Variants in EPHA5 observed in about 807,000 individuals in gnomAD.
The protein encoded by EPHA5 is ephrin type-A receptor 5.
EPHA5 carries 60 observed loss-of-function variants against 105.0 expected under a neutral mutation model. The ratio of observed to expected loss-of-function variants is 0.57; its 90% CI spans 0.46 to 0.71. The LOEUF (loss-of-function observed/expected upper bound fraction) is 0.71, where lower values mean the gene tolerates loss of function less well. Ranked by LOEUF, EPHA5 falls within the 30% of genes least tolerant of loss-of-function variation. EPHA5 has a pLI of 0.00. For missense variants in EPHA5, 1,218 were observed against 1,274.7 expected (o/e 0.96, Z 0.68); for synonymous variants, 513 against 449.1 (o/e 1.14, Z -1.80).
Position 65,490,373 on chromosome 4 carries a change from T to G in EPHA5, c.1402+4A>C, listed in dbSNP as rs376208416. ...TACACAATTGGGTTGGGCATGGCACTTACCTGCTTGATTTGTGGTTACATT... is the reference window on the plus strand; with the variant it reads ...TACACAATTGGGTTGGGCATGGCACGTACCTGCTTGATTTGTGGTTACATT... On this transcript the variant is annotated splice_donor_region_variant and intron_variant, in intron 5 of 16. Coordinates refer to ENST00000613740, the MANE Select transcript of EPHA5 (RefSeq NM_001281766.3). The G allele has an allele frequency of 3.7e-6, 6 of 1,612,774 alleles. No individual in the cohort carries two copies. In the African/African-American group the frequency reaches 8.0e-5, roughly 22 times the overall value.
rs376590066 is a variant in EPHA5 at position 65,483,649 on chromosome 4, G to T, written c.1402+6728C>A. The stretch of plus-strand genomic sequence containing the variant: ...CAGACTATCACCAAAAAAAATTTGC[G>T]TAAGTAGAAGTTATTAGGGTCACGT... On this transcript the variant is annotated intron_variant, in intron 5 of 16. Coordinates refer to ENST00000613740, the MANE Select transcript of EPHA5 (RefSeq NM_001281766.3). 8.5e-5 allele frequency among the ~76,000 whole-genome samples: 13 copies of T among 152,110 alleles called. No homozygotes were observed. In the East Asian group the frequency reaches 1.5e-3, roughly 18 times the overall value.
intron 1 of EPHA5, among the ~76,000 whole-genome samples, chr4:65,665,433 C>T (rs982164914): frequency 6.6e-6 from 1 of 152,032 alleles, no homozygotes; most frequent in African/African-American, 2.4e-5. Flanking sequence ...ACAGCTATAT[C>T]ATTTCATTTT....
rs146281111 is a variant in EPHA5 at position 65,555,630 on chromosome 4, G to A, written c.910+46011C>T. The stretch of plus-strand genomic sequence containing the variant: ...TTTTCTTTTGAATTTCACATATTAC[G>A]TATTTTAACACATTTTTCGAAGCTG... On this transcript the variant is annotated intron_variant, in intron 3 of 16. Coordinates refer to ENST00000613740, the MANE Select transcript of EPHA5 (RefSeq NM_001281766.3). 1.7e-4 allele frequency among the ~76,000 whole-genome samples: 24 copies of A among 140,238 alleles called. No homozygotes were observed. The East Asian group carries it at 3.3e-3, about 19-fold the overall frequency. 92.0% of individuals were successfully genotyped at this position (140,238 alleles called of 152,430 possible). A position where few individuals can be genotyped will look rare whatever the true frequency, so the allele number is the denominator to read the frequency against.
intron 5 of EPHA5, among the ~76,000 whole-genome samples, chr4:65,458,005 CG>C (rs1727764157): frequency 7.6e-6 from 1 of 131,824 alleles, no homozygotes; most frequent in South Asian, 2.4e-4. Context: ...ACCCGAGAGG[CG>C]GAACTTGCAG....
intron 3 of EPHA5, among the ~76,000 whole-genome samples, chr4:65,570,611 A>T (rs751506442): frequency 6.6e-6 from 1 of 151,924 alleles, no homozygotes; most frequent in Non-Finnish European, 1.5e-5. Flanking sequence ...AAAGGTCATG[A>T]TTATACGATG....
chr4:65,489,871 A>T (rs962295535), intron 5 of EPHA5, among the ~76,000 whole-genome samples: 3 of 152,202 alleles, frequency 2.0e-5, no homozygotes, highest in African/African-American at 7.2e-5. Flanking sequence ...AAACTTAGCA[A>T]AGAAAATTTC....
At chr4:65,462,041 CAGAT>C (rs1344895071) in intron 5 of EPHA5, among the ~76,000 whole-genome samples, 2 of 151,960 alleles carry the variant, frequency 1.3e-5, no homozygotes, top group African/African-American at 2.4e-5. Context: ...GATTGATAGG[CAGAT>C]AGATAGAATA....
At chr4:65,561,839 C>T (rs1257182999) in intron 3 of EPHA5, among the ~76,000 whole-genome samples, 1 of 151,942 alleles carries the variant, frequency 6.6e-6, no homozygotes. Context: ...GATTGATATA[C>T]CAGAAAATTG....
chr4:65,514,501 G>A (rs999863778), intron 3 of EPHA5, among the ~76,000 whole-genome samples: 1 of 152,264 alleles, frequency 6.6e-6, no homozygotes, highest in African/African-American at 2.4e-5. Context: ...CAATTAGAAT[G>A]AACCTACAGA....
At chr4:65,446,830 C>G (rs1000322757) in intron 5 of EPHA5, among the ~76,000 whole-genome samples, 7 of 151,978 alleles carry the variant, frequency 4.6e-5, no homozygotes, top group African/African-American at 1.7e-4. Context: ...AATAAAACAT[C>G]AAGTAATAAC....
At chr4:65,421,569 C>T (rs550699239) in intron 5 of EPHA5, among the ~76,000 whole-genome samples, 7 of 152,174 alleles carry the variant, frequency 4.6e-5, no homozygotes, top group Admixed American at 6.5e-5. Flanking sequence ...CAGTAAAAAT[C>T]GCAGAGAAAG....
chr4:65,468,975 C>T (rs1729027226), intron 5 of EPHA5, among the ~76,000 whole-genome samples: 1 of 152,006 alleles, frequency 6.6e-6, no homozygotes, highest in South Asian at 2.1e-4. Flanking sequence ...AAGGAGCCAG[C>T]TTCATCACAG....
intron 1 of EPHA5, among the ~76,000 whole-genome samples, chr4:65,656,470 T>C (rs1749070731): frequency 6.6e-6 from 1 of 151,000 alleles, no homozygotes; most frequent in Admixed American, 6.6e-5. Flanking sequence ...CCACATTCCA[T>C]ATGCATGTTT....
chr4:65,531,514 G>C (rs920147511), intron 3 of EPHA5, among the ~76,000 whole-genome samples: 2 of 146,272 alleles, frequency 1.4e-5, no homozygotes, highest in East Asian at 3.9e-4. Context: ...GATATACTGA[G>C]ATGTCTTTGC....
At chr4:65,599,123 G>T (rs1743461594) in intron 3 of EPHA5, among the ~76,000 whole-genome samples, 1 of 152,170 alleles carries the variant, frequency 6.6e-6, no homozygotes, top group East Asian at 1.9e-4. Context: ...ATTGAAGGAA[G>T]AAGGAAATAG....
At chr4:65,444,360 A>G (rs952758458) in intron 5 of EPHA5, among the ~76,000 whole-genome samples, 5 of 152,196 alleles carry the variant, frequency 3.3e-5, no homozygotes, top group Non-Finnish European at 7.4e-5. Flanking sequence ...GTATAATATT[A>G]TTGTAGATAC....
chr4:65,628,504 G>C (rs376149414), intron 2 of EPHA5, among the ~76,000 whole-genome samples: 62 of 151,980 alleles, frequency 4.1e-4, no homozygotes, highest in African/African-American at 1.3e-3. Context: ...TTAGCCTTGA[G>C]ATTATATATG....
chr4:65,556,188 T>C (rs900893494), intron 3 of EPHA5, among the ~76,000 whole-genome samples: 1 of 152,130 alleles, frequency 6.6e-6, no homozygotes, highest in Non-Finnish European at 1.5e-5. Flanking sequence ...TAAAGCCAAT[T>C]GGATGGTAAG....
At chr4:65,431,593 T>A (rs2149064237) in intron 5 of EPHA5, among the ~76,000 whole-genome samples, 1 of 152,120 alleles carries the variant, frequency 6.6e-6, no homozygotes, top group Non-Finnish European at 1.5e-5. Context: ...CTTCCCGACC[T>A]CCCTCCTTTC....
Sources: allele counts gnomAD v4.1 joint callset (sites outside exome capture counted in the v4.1 genomes callset), GRCh38; gene constraint gnomAD v4.1.1; transcripts MANE v1.5; gene names NCBI Gene and HGNC (gene_info 2026-07-23, HGNC 2026-07-21).